The following DLGAP2 variants were observed in gnomAD, a reference collection of about 807,000 sequenced individuals.
DLGAP2 encodes DLG associated protein 2, also known as disks large-associated protein 2.
Under a neutral mutation model 100.3 loss-of-function variants are expected in DLGAP2, and 26 were observed. The ratio of observed to expected loss-of-function variants is 0.26; its 90% CI spans 0.19 to 0.36. DLGAP2 has a LOEUF of 0.36. DLGAP2 is among the 10% of genes least tolerant of loss of function. The pLI, the probability that DLGAP2 is intolerant of heterozygous loss-of-function variation, is 1.00. For synonymous variants in DLGAP2, 886 were observed against 630.1 expected (o/e 1.41, Z -6.08); for missense variants, 1,858 against 1,453.2 (o/e 1.28, Z -4.53).
intron 8 of DLGAP2, among the ~76,000 whole-genome samples, chr8:1,658,924 G>C (rs1043674021): frequency 6.6e-6 from 1 of 152,048 alleles, no homozygotes; most frequent in African/African-American, 2.4e-5. Flanking sequence ...TGTGATGTTA[G>C]GGTGTCAATT....
intron 6 of DLGAP2, among the ~76,000 whole-genome samples, chr8:1,616,248 T>C (rs1303487564): frequency 6.6e-6 from 1 of 152,162 alleles, no homozygotes; most frequent in Non-Finnish European, 1.5e-5. Flanking sequence ...AGAGCCTCAG[T>C]AATATGTGTA....
chr8:1,418,654 T>G (rs1240406618), intron 3 of DLGAP2, among the ~76,000 whole-genome samples: 5 of 152,188 alleles, frequency 3.3e-5, no homozygotes, highest in Admixed American at 3.3e-4. Context: ...TTCCATTTTT[T>G]TTTCTTTGCT....
intron 2 of DLGAP2, among the ~76,000 whole-genome samples, chr8:1,179,898 A>G (rs1339582588): frequency 6.6e-6 from 1 of 152,250 alleles, no homozygotes; most frequent in African/African-American, 2.4e-5. Flanking sequence ...TAATTATGTG[A>G]AAACAAAATA....
intron 2 of DLGAP2, among the ~76,000 whole-genome samples, chr8:1,202,812 A>T (rs1470114073): frequency 2.0e-5 from 3 of 152,146 alleles, no homozygotes; most frequent in African/African-American, 4.8e-5. Context: ...GCCACTGAAC[A>T]CGCCTGATCA....
chr8:1,614,855 G>A (rs1377521658), intron 6 of DLGAP2, among the ~76,000 whole-genome samples: 1 of 152,018 alleles, frequency 6.6e-6, no homozygotes, highest in African/African-American at 2.4e-5. Flanking sequence ...GCACACACGT[G>A]CACACGCACA....
chr8:1,431,492 AAAG>A (rs756593625), intron 3 of DLGAP2, among the ~76,000 whole-genome samples: 1 of 152,202 alleles, frequency 6.6e-6, no homozygotes, highest in African/African-American at 2.4e-5. Flanking sequence ...ACAGCAGCAG[AAAG>A]AAGAAGAGAA....
intron 8 of DLGAP2, among the ~76,000 whole-genome samples, chr8:1,666,661 C>G (rs1798551345): frequency 6.7e-6 from 1 of 149,072 alleles, no homozygotes; most frequent in African/African-American, 2.5e-5. Context: ...GCCTGGGCAA[C>G]AGAGAAAGAC....
chr8:1,527,938 A>G (rs1301148502), intron 4 of DLGAP2, among the ~76,000 whole-genome samples: 1 of 152,142 alleles, frequency 6.6e-6, no homozygotes, highest in Non-Finnish European at 1.5e-5. Flanking sequence ...AAAAAAGTTC[A>G]TTCAACTGAT....
At chr8:816,386 T>G (rs1362852685) in intron 1 of DLGAP2, among the ~76,000 whole-genome samples, 1 of 152,136 alleles carries the variant, frequency 6.6e-6, no homozygotes, top group African/African-American at 2.4e-5. Flanking sequence ...GATTTAGAGC[T>G]CCTTGTAGCA....
chr8:1,569,640 T>A (rs933672599), intron 6 of DLGAP2, among the ~76,000 whole-genome samples: 1 of 152,236 alleles, frequency 6.6e-6, no homozygotes, highest in Non-Finnish European at 1.5e-5. Flanking sequence ...TTGCTGAAGC[T>A]CAGCTTTGTA....
chr8:1,517,884 G>A (rs1272053532), intron 4 of DLGAP2, among the ~76,000 whole-genome samples: 1 of 152,182 alleles, frequency 6.6e-6, no homozygotes, highest in African/African-American at 2.4e-5. Flanking sequence ...ACAGAGACTG[G>A]GGAGCCTTGC....
At chr8:1,071,191 C>T (rs1167632902) in intron 2 of DLGAP2, among the ~76,000 whole-genome samples, 1 of 152,166 alleles carries the variant, frequency 6.6e-6, no homozygotes, top group African/African-American at 2.4e-5. Context: ...GTGGTGCTTT[C>T]CAGTTTTAGC....
intron 7 of DLGAP2, among the ~76,000 whole-genome samples, chr8:1,631,874 G>C (rs564842866): frequency 1.3e-5 from 2 of 152,344 alleles, no homozygotes; most frequent in South Asian, 4.1e-4. Context: ...AACTGCTAGA[G>C]GGAGAACCTG....
chr8:1,349,926 T>G (rs1801669045), intron 3 of DLGAP2, among the ~76,000 whole-genome samples: 1 of 152,216 alleles, frequency 6.6e-6, no homozygotes, highest in Non-Finnish European at 1.5e-5. Flanking sequence ...TTTGCCTATA[T>G]CTCTAGGCAG....
At chr8:1,331,515 G>A (rs1014729572) in intron 3 of DLGAP2, among the ~76,000 whole-genome samples, 11 of 152,178 alleles carry the variant, frequency 7.2e-5, no homozygotes, top group Admixed American at 2.0e-4. Flanking sequence ...TTAGGGACAC[G>A]GATCTGGGCA....
intron 2 of DLGAP2, among the ~76,000 whole-genome samples, chr8:1,101,807 CACGACACGACG>C (rs1804593657): frequency 1.4e-4 from 4 of 27,854 alleles, no homozygotes; most frequent in South Asian, 8.8e-4. Flanking sequence ...CTGAGCCGAA[CACGACACGACG>C]ATGGGAAGCT....
intron 3 of DLGAP2, among the ~76,000 whole-genome samples, chr8:1,318,780 C>CA (rs1249452451): frequency 1.6e-5 from 1 of 64,480 alleles, no homozygotes; most frequent in Non-Finnish European, 3.2e-5. Flanking sequence ...AGTGATCAGC[C>CA]CCCCCCCCGC....
chr8:1,232,713 A>G (rs1005528812), intron 2 of DLGAP2, among the ~76,000 whole-genome samples: 5 of 152,218 alleles, frequency 3.3e-5, no homozygotes, highest in African/African-American at 9.7e-5. Flanking sequence ...GACAAGGTGC[A>G]TGTTCAGTGA....
intron 11 of DLGAP2, among the ~76,000 whole-genome samples, 175 bp downstream of exon 11, chr8:1,676,793 T>C (rs1391148352): frequency 6.6e-6 from 1 of 152,246 alleles, no homozygotes; most frequent in Non-Finnish European, 1.5e-5. Context: ...CACCCGCCTA[T>C]GTCTTGTTTT....
Sources: allele counts gnomAD v4.1 joint callset (sites outside exome capture counted in the v4.1 genomes callset), GRCh38; gene constraint gnomAD v4.1.1; transcripts MANE v1.5; gene names NCBI Gene and HGNC (gene_info 2026-07-23, HGNC 2026-07-21).